The following GALNT13 variants were observed in gnomAD, a reference collection of about 807,000 sequenced individuals.
GALNT13 encodes the protein UDP-GalNAc:polypeptide N-acetylgalactosaminyltransferase 13.
In GALNT13, 28 loss-of-function variants were observed where a neutral mutation model predicts 64.2. That is an observed-to-expected ratio of 0.44 (90% CI 0.32 to 0.60). GALNT13 has a LOEUF of 0.60. Ranked by LOEUF, GALNT13 falls within the 20% of genes least tolerant of loss-of-function variation. GALNT13 has a pLI of 0.05. For missense variants in GALNT13, 577 were observed against 669.8 expected (o/e 0.86, Z 1.53); for synonymous variants, 214 against 224.6 (o/e 0.95, Z 0.42).
At chr2:154,051,993 T>A (rs1288161418) in intron 3 of GALNT13, among the ~76,000 whole-genome samples, 1 of 150,442 alleles carries the variant, frequency 6.6e-6, no homozygotes. Flanking sequence ...AGTGGTGAAT[T>A]TTTTTTTTTA....
intron 1 of GALNT13, among the ~76,000 whole-genome samples, chr2:153,878,525 T>G (rs1686553007): frequency 6.6e-6 from 1 of 152,198 alleles, no homozygotes; most frequent in Non-Finnish European, 1.5e-5. Context: ...TGCTTTAGCC[T>G]TAGTTTACTG....
At chr2:154,314,497 GA>G (rs1694224689) in intron 9 of GALNT13, among the ~76,000 whole-genome samples, 3 of 152,186 alleles carry the variant, frequency 2.0e-5, no homozygotes, top group South Asian at 4.1e-4. Context: ...AATTTAAAAA[GA>G]AAAAAGGTTT....
chr2:153,837,566 T>C, the GALNT13 span, among the ~76,000 whole-genome samples: 2 of 152,128 alleles, frequency 1.3e-5, no homozygotes, highest in East Asian at 3.9e-4. Context: ...TCATCCATTT[T>C]ATTGCAAATC....
chr2:153,820,714 A>G, the GALNT13 span, among the ~76,000 whole-genome samples: 2 of 152,192 alleles, frequency 1.3e-5, no homozygotes, highest in Non-Finnish European at 2.9e-5. Flanking sequence ...TTCTTATGGG[A>G]GTTCTAAACA....
At chr2:153,195,691 G>A in the GALNT13 span, among the ~76,000 whole-genome samples, 4 of 152,366 alleles carry the variant, frequency 2.6e-5, no homozygotes, top group South Asian at 6.2e-4. Flanking sequence ...AATGTGGCGA[G>A]CAAGGGACAT....
intron 9 of GALNT13, among the ~76,000 whole-genome samples, chr2:154,362,652 C>T (rs943880911): frequency 4.6e-5 from 7 of 152,070 alleles, no homozygotes; most frequent in African/African-American, 1.2e-4. Context: ...CAGCTAAGCC[C>T]AGACAAATTG....
Position 153,921,642 on chromosome 2 carries a change from A to T in GALNT13, c.-105+20635A>T, listed in dbSNP as rs1689765637. On this transcript the variant is annotated intron_variant, in intron 2 of 12. Transcript: ENST00000392825. Reference sequence around the variant, plus strand: ...GAAGTTATAATAATAATAAAAAAGAATGCTTAAGAGTTTATGTAAGAGTAA... The same window carrying T: ...GAAGTTATAATAATAATAAAAAAGATTGCTTAAGAGTTTATGTAAGAGTAA... Among the ~76,000 whole-genome samples, 2 of 152,154 alleles carry T rather than the reference A, an allele frequency of 1.3e-5. 1 individual carries two copies. The highest frequency in any genetic ancestry group is 4.8e-5 in the African/African-American group (2 of 41,458).
the GALNT13 span, among the ~76,000 whole-genome samples, chr2:153,701,546 AG>A: frequency 6.6e-6 from 1 of 152,238 alleles, no homozygotes; most frequent in Non-Finnish European, 1.5e-5. Flanking sequence ...CTATCAACAG[AG>A]TGAACAGGCA....
At chr2:153,598,995 A>C in the GALNT13 span, among the ~76,000 whole-genome samples, 1 of 152,072 alleles carries the variant, frequency 6.6e-6, no homozygotes, top group East Asian at 1.9e-4. Flanking sequence ...CCTTCTAAAC[A>C]TGTCTTTTTG....
At position 153,940,490 on chromosome 2, in the gene GALNT13, C is replaced by G. The variant is rs181382458; in HGVS notation, c.-104-3904C>G. ...CAGGCTGGTTTCGAACTCCTTACTT[C>G]AGGTGATCTACCTGCCTCAGCCTCC... On this transcript the variant is annotated intron_variant, in intron 2 of 12. Coordinates refer to ENST00000392825, the MANE Select transcript of GALNT13 (RefSeq NM_052917.4). Among the ~76,000 whole-genome samples, 13 of 152,202 alleles carry G rather than the reference C, an allele frequency of 8.5e-5. 1 individual carries two copies. The East Asian group carries it at 2.3e-3, about 27-fold the overall frequency.
rs759037624 is a variant in GALNT13, at chr2:154,438,719, A to T, written c.1523A>T (p.Asp508Val). The T allele has an allele frequency of 1.0e-5, 16 of 1,606,136 alleles. No homozygotes were observed. The highest frequency in any genetic ancestry group is 1.4e-5 in the Non-Finnish European group (16 of 1,174,520). ...HMRGNQLWEY[D>V]AERLTLRHVN... The stretch of plus-strand genomic sequence containing the variant: ...AGAGGAAATCAGTTATGGGAATATG[A>T]TGCTGAGGTATAGTATTTTCTTAAT... Residue 508 changes from aspartate to valine, a missense_variant, in exon 12 of 13, where the codon GAT becomes GTT. Asp to Val is a radical substitution (Grantham distance 152). Transcript: ENST00000392825.
chr2:154,409,973 G>T (rs1386975851), intron 11 of GALNT13, among the ~76,000 whole-genome samples: 1 of 151,684 alleles, frequency 6.6e-6, no homozygotes, highest in East Asian at 1.9e-4. Context: ...CTTCAAACAG[G>T]GCCGGTGTTA....
chr2:153,366,772 C>CAA, the GALNT13 span, among the ~76,000 whole-genome samples: 1 of 136,448 alleles, frequency 7.3e-6, no homozygotes, highest in East Asian at 2.1e-4. Flanking sequence ...CACACACACA[C>CAA]ACTGCTATAA....
intron 12 of GALNT13, chr2:154,445,730 T>G: frequency 3.7e-5 from 36 of 983,960 alleles, no homozygotes; most frequent in Non-Finnish European, 4.7e-5. Flanking sequence ...TTAAGCTGCC[T>G]GAGAGAAGTA....
chr2:154,226,005 A>T (rs754214318), intron 4 of GALNT13, among the ~76,000 whole-genome samples: 1 of 152,070 alleles, frequency 6.6e-6, no homozygotes, highest in African/African-American at 2.4e-5. Context: ...ACAAAAAGTT[A>T]AAGGGTGGGG....
chr2:153,667,008 A>G, the GALNT13 span, among the ~76,000 whole-genome samples: 1 of 152,238 alleles, frequency 6.6e-6, no homozygotes, highest in Admixed American at 6.5e-5. Context: ...TAGTATTAAT[A>G]GCAGAATATA....
chr2:153,137,245 A>G, the GALNT13 span, among the ~76,000 whole-genome samples: 1 of 152,142 alleles, frequency 6.6e-6, no homozygotes. Flanking sequence ...GCAATAGAAT[A>G]ACTCACTTTG....
chr2:153,923,152 G>A (rs546221837), intron 2 of GALNT13, among the ~76,000 whole-genome samples: 12 of 152,088 alleles, frequency 7.9e-5, no homozygotes, highest in Admixed American at 3.3e-4. Context: ...CTCCCACGTC[G>A]GCCTCCCAAA....
intron 4 of GALNT13, among the ~76,000 whole-genome samples, chr2:154,147,404 T>C (rs998487560): frequency 6.7e-6 from 1 of 149,586 alleles, no homozygotes; most frequent in African/African-American, 2.4e-5. Context: ...TATATATATC[T>C]CCTAGTATGT....
Sources: allele counts gnomAD v4.1 joint callset (sites outside exome capture counted in the v4.1 genomes callset), GRCh38; gene constraint gnomAD v4.1.1; transcripts MANE v1.5; gene names NCBI Gene and HGNC (gene_info 2026-07-23, HGNC 2026-07-21).